Variants in GALNT18 observed in about 807,000 individuals in gnomAD.
GALNT18 encodes polypeptide N-acetylgalactosaminyltransferase 18, also known as GalNAc-transferase 18.
A neutral mutation model predicts 69.5 loss-of-function variants in GALNT18; 44 were observed. That is an observed-to-expected ratio of 0.63 (90% CI 0.50 to 0.81). GALNT18 has a LOEUF of 0.81. GALNT18 is among the 40% of genes least tolerant of loss of function. The probability of loss-of-function intolerance (pLI) is 0.00; values close to 1 mark genes in which losing one functional copy is unlikely to be tolerated. For missense variants in GALNT18, 715 were observed against 810.0 expected, an observed-to-expected ratio of 0.88 and a Z score of 1.42; for synonymous variants, 364 against 318.2, an observed-to-expected ratio of 1.14 and a Z score of -1.53.
At chr11:11,489,939 A>G (rs773130692) in intron 1 of GALNT18, among the ~76,000 whole-genome samples, 2 of 152,160 alleles carry the variant, frequency 1.3e-5, no homozygotes, top group Non-Finnish European at 2.9e-5. Context: ...GGGTCTGACC[A>G]CTACTCTATA....
chr11:11,554,061 G>T (rs566224215), intron 1 of GALNT18, among the ~76,000 whole-genome samples: 10 of 152,312 alleles, frequency 6.6e-5, no homozygotes, highest in African/African-American at 2.2e-4. Flanking sequence ...CAGGCAAGGG[G>T]AATCAATCTT....
chr11:11,276,606 G>A (rs982138058), intron 10 of GALNT18, among the ~76,000 whole-genome samples: 5 of 151,762 alleles, frequency 3.3e-5, no homozygotes, highest in Non-Finnish European at 5.9e-5. Context: ...TCCCTGTCTT[G>A]TGCCAGTTTT....
At chr11:11,525,892 C>T (rs1161313135) in intron 1 of GALNT18, among the ~76,000 whole-genome samples, 1 of 152,126 alleles carries the variant, frequency 6.6e-6, no homozygotes. Flanking sequence ...CCTCAGTCTC[C>T]TAAAGTGCTG....
At chr11:11,361,520 ATCTT>A (rs1433923808) in intron 6 of GALNT18, among the ~76,000 whole-genome samples, 2 of 40,190 alleles carry the variant, frequency 5.0e-5, no homozygotes, top group Admixed American at 1.7e-4. Flanking sequence ...AAGTTTATCT[ATCTT>A]TCTATCTATC....
chr11:11,457,665 T>C (rs988489079), intron 1 of GALNT18, among the ~76,000 whole-genome samples: 4 of 152,342 alleles, frequency 2.6e-5, no homozygotes, highest in Admixed American at 6.5e-5. Flanking sequence ...CTGTGCACTC[T>C]CTGGGAGCGG....
At chr11:11,418,910 C>T (rs1450109478) in intron 3 of GALNT18, among the ~76,000 whole-genome samples, 1 of 152,190 alleles carries the variant, frequency 6.6e-6, no homozygotes, top group Non-Finnish European at 1.5e-5. Flanking sequence ...GTTTTTAGGG[C>T]TGCCTGCCCC....
At chr11:11,525,676 C>T (rs1857504462) in intron 1 of GALNT18, among the ~76,000 whole-genome samples, 2 of 143,586 alleles carry the variant, frequency 1.4e-5, no homozygotes, top group Admixed American at 7.2e-5. Flanking sequence ...CTTTTGTTGC[C>T]CAGGCTGAAG....
intron 1 of GALNT18, among the ~76,000 whole-genome samples, chr11:11,560,057 GGATGGGA>G: frequency 6.7e-6 from 1 of 148,298 alleles, no homozygotes; most frequent in African/African-American, 2.5e-5. Flanking sequence ...GGATGGGATA[GGATGGGA>G]TGGAATAGAA....
In GALNT18 at chr11:11,357,028, C is replaced by T. The variant is rs553520840; in HGVS notation, c.1092+15487G>A. ...CACGGAGCTTCCTGCTCCATGTTTTCAGATGCCTTCCTGGAGCCGCTGGGT... is the reference window on the plus strand; with the variant it reads ...CACGGAGCTTCCTGCTCCATGTTTTTAGATGCCTTCCTGGAGCCGCTGGGT... On this transcript the variant is annotated intron_variant, in intron 6 of 10. Transcript: ENST00000227756. Among the ~76,000 whole-genome samples the T allele has an allele frequency of 2.0e-5, 3 of 152,274 alleles. No homozygotes were observed. The South Asian group carries it at 6.2e-4, about 32-fold the overall frequency.
In GALNT18 at chr11:11,340,990, G is replaced by T. The variant is rs755903986; in HGVS notation, c.1107C>A (p.Gly369=). The change falls in exon 7 of 11, where the codon GGC becomes GGA. Residue 369 remains glycine, a synonymous_variant. Transcript: ENST00000227756. The surrounding 1 kb of genome is among the most constrained non-coding windows in gnomAD (Gnocchi z 4.2). ...VELGIRVWQC[G]GSVEVLPCSR... ...AGCAGGGCAGGACCTCCACACTCCC[G>T]CCACACTGCCACACCTGCAGAAGAC... is the stretch of plus-strand genomic sequence containing the variant. 1.9e-6 allele frequency: 3 copies of T among 1,599,532 alleles called. No individual in the cohort carries two copies. The highest frequency in any genetic ancestry group is 2.6e-6 in the Non-Finnish European group (3 of 1,171,214).
chr11:11,353,291 G>A (rs201527804), intron 6 of GALNT18: 101 of 748,812 alleles, frequency 1.3e-4, no homozygotes, highest in East Asian at 7.3e-4. Flanking sequence ...ACAATATGGC[G>A]GCGATGGAGT....
At chr11:11,288,702 T>C (rs763832947) in intron 10 of GALNT18, among the ~76,000 whole-genome samples, 1 of 152,228 alleles carries the variant, frequency 6.6e-6, no homozygotes, top group African/African-American at 2.4e-5. Flanking sequence ...CAAATGTGGT[T>C]TCTCAGTGTC....
intron 1 of GALNT18, among the ~76,000 whole-genome samples, chr11:11,516,449 T>C (rs939526583): frequency 4.6e-5 from 7 of 152,094 alleles, no homozygotes; most frequent in Non-Finnish European, 1.0e-4. Context: ...CTGGCCAATA[T>C]GGTGAAACCC....
chr11:11,518,824 T>A (rs1044332892), intron 1 of GALNT18, among the ~76,000 whole-genome samples: 12 of 152,200 alleles, frequency 7.9e-5, no homozygotes, highest in Non-Finnish European at 1.6e-4. Context: ...CTTCTCTAAG[T>A]ACACAACAGA....
In GALNT18 at chr11:11,341,084, T is replaced by G. The variant is rs1850197846; in HGVS notation, c.1093-80A>C. Reference sequence around the variant, plus strand: ...CCAGGCCTCAGGCAGCCACTTGACATGAGCAGGAAGAAAGTCAGCCCCTTC... The same window carrying G: ...CCAGGCCTCAGGCAGCCACTTGACAGGAGCAGGAAGAAAGTCAGCCCCTTC... On this transcript the variant is annotated intron_variant, in intron 6 of 10. Transcript: ENST00000227756. The surrounding 1 kb of genome is among the most constrained non-coding windows in gnomAD (Gnocchi z 6.3). 7.2e-7 allele frequency: 1 copy of G among 1,393,398 alleles called. No homozygotes were observed. Among genetic ancestry groups the G allele is most frequent in the African/African-American group, 1.4e-5 (1 of 69,670 alleles). The allele number at this position is 1,393,398 out of a possible 1,614,324, so 86.3% of individuals were successfully genotyped here. A position where few individuals can be genotyped will look rare whatever the true frequency, so the allele number is the denominator to read the frequency against.
In GALNT18 at chr11:11,352,409, G is replaced by A. The variant is rs766297104; in HGVS notation, c.1093-11405C>T. The A allele has an allele frequency of 4.6e-5, 75 of 1,613,896 alleles. No homozygotes were observed. The African/African-American group carries it at 9.5e-4, about 20-fold the overall frequency. ...CTATCCTCACCAACTGATCATAATT[G>A]TCACGTCCATGGAAAAATGGCTCCT... On this transcript the variant is annotated intron_variant, in intron 6 of 10. Coordinates refer to ENST00000227756, the MANE Select transcript of GALNT18 (RefSeq NM_198516.3).
chr11:11,344,259 C>T (rs5789680), intron 6 of GALNT18, among the ~76,000 whole-genome samples: 10 of 1,642 alleles, frequency 6.1e-3, no homozygotes, highest in East Asian at 0.071. Flanking sequence ...TCACATGGGT[C>T]TTTTTCCCCT....
chr11:11,366,150 G>A (rs1430285197), intron 6 of GALNT18, among the ~76,000 whole-genome samples: 1 of 152,088 alleles, frequency 6.6e-6, no homozygotes, highest in Non-Finnish European at 1.5e-5. Flanking sequence ...CTTGGCTTTT[G>A]CTTGTTTTCT....
intron 3 of GALNT18, among the ~76,000 whole-genome samples, chr11:11,419,264 T>C (rs1192567648): frequency 6.6e-6 from 1 of 152,162 alleles, no homozygotes; most frequent in Non-Finnish European, 1.5e-5. Context: ...GACATTTCTT[T>C]GTTTTGTGCT....
Sources: allele counts gnomAD v4.1 joint callset (sites outside exome capture counted in the v4.1 genomes callset), GRCh38; gene constraint gnomAD v4.1.1; non-coding constraint Gnocchi (gnomAD v3.1); transcripts MANE v1.5; gene names NCBI Gene and HGNC (gene_info 2026-07-23, HGNC 2026-07-21).